GRM7: variants seen among roughly 807,000 people sequenced by gnomAD.
GRM7 encodes metabotropic glutamate receptor 7.
GRM7 carries 35 observed loss-of-function variants against 84.5 expected under a neutral mutation model. The ratio of observed to expected loss-of-function variants is 0.41; its 90% CI spans 0.32 to 0.55. The LOEUF (loss-of-function observed/expected upper bound fraction) is 0.55. GRM7 is among the 20% of genes least tolerant of loss of function. The probability of loss-of-function intolerance (pLI) is 0.19; values close to 1 mark genes in which losing one functional copy is unlikely to be tolerated. For synonymous variants in GRM7, 487 were observed against 455.1 expected, an observed-to-expected ratio of 1.07 and a Z score of -0.89; for missense variants, 1,003 against 1,194.6, an observed-to-expected ratio of 0.84 and a Z score of 2.36.
intron 7 of GRM7, chr3:7,561,360 C>A (rs1694020287): frequency 1.2e-5 from 4 of 333,126 alleles, no homozygotes; most frequent in Non-Finnish European, 1.8e-5. Context: ...TGCTGAGATC[C>A]TATTGAGGGA....
intron 1 of GRM7, among the ~76,000 whole-genome samples, chr3:7,038,447 T>G (rs530542510): frequency 6.6e-6 from 1 of 152,194 alleles, no homozygotes; most frequent in Non-Finnish European, 1.5e-5. Flanking sequence ...TATCAACAGA[T>G]GAGAGACAGC....
chr3:7,080,970 A>C (rs1220213036), intron 1 of GRM7, among the ~76,000 whole-genome samples: 3 of 152,060 alleles, frequency 2.0e-5, no homozygotes, highest in African/African-American at 7.2e-5. Context: ...TCAGCTACAC[A>C]GTCATAAAGA....
In GRM7 at chr3:7,291,255, G is replaced by A. The variant is rs555394578; in HGVS notation, c.737-7429G>A. Among the ~76,000 whole-genome samples the A allele has an allele frequency of 2.4e-4, 37 of 152,054 alleles. No homozygotes were observed. The South Asian group carries it at 6.2e-3, about 26-fold the overall frequency. On this transcript the variant is annotated intron_variant, in intron 2 of 9. Coordinates refer to ENST00000357716, the MANE Select transcript of GRM7 (RefSeq NM_000844.4). ...TGCAAATAAGAGAAAACTGACTGCC[G>A]CGAGCTGACACGAAAAGGTGTTTCA...
In GRM7 at chr3:7,038,647, A is replaced by G. The variant is rs146576186; in HGVS notation, c.520-107805A>G. ...TACTTTCATCATGATGTGTTCTGCA[A>G]TGTTTATTTAGTGCCTGGAGCCTGC... On this transcript the variant is annotated intron_variant, in intron 1 of 9. Transcript: ENST00000357716. 1.1e-4 allele frequency among the ~76,000 whole-genome samples: 16 copies of G among 152,278 alleles called. No individual in the cohort carries two copies. In the East Asian group the frequency reaches 3.1e-3, roughly 29 times the overall value.
chr3:7,303,130 C>T (rs12487672), intron 3 of GRM7, among the ~76,000 whole-genome samples: 71,809 of 151,296 alleles, frequency 0.47, 18,624 homozygotes, highest in Non-Finnish European at 0.6. Context: ...TTAGTAGAGA[C>T]GGGCTTTCAC....
chr3:7,434,454 G>A (rs1045394468), intron 5 of GRM7, among the ~76,000 whole-genome samples: 3 of 152,156 alleles, frequency 2.0e-5, no homozygotes, highest in African/African-American at 7.2e-5. Context: ...TCTGTATAAT[G>A]TTGAAGGAGT....
At chr3:7,233,230 G>C (rs1697249913) in intron 2 of GRM7, among the ~76,000 whole-genome samples, 1 of 152,132 alleles carries the variant, frequency 6.6e-6, no homozygotes, top group Non-Finnish European at 1.5e-5. Flanking sequence ...AACAGAGGAA[G>C]CCCAATTTAT....
At chr3:6,941,360 A>G (rs982540952) in intron 1 of GRM7, among the ~76,000 whole-genome samples, 2 of 152,194 alleles carry the variant, frequency 1.3e-5, no homozygotes, top group African/African-American at 4.8e-5. Context: ...GGAGCTGAAA[A>G]CATTGACTTT....
chr3:7,520,373 A>T (rs1199890543), intron 7 of GRM7: 2 of 152,158 alleles, frequency 1.3e-5, no homozygotes, highest in Non-Finnish European at 2.9e-5. Context: ...CCAGGTATGT[A>T]TCCAGCTTAG....
chr3:6,972,525 G>A (rs1053449536), intron 1 of GRM7, among the ~76,000 whole-genome samples: 6 of 152,102 alleles, frequency 3.9e-5, no homozygotes, highest in Non-Finnish European at 8.8e-5. Flanking sequence ...CTTGTGTATC[G>A]TCCATTGCTG....
Position 7,359,459 on chromosome 3 carries a change from C to T in GRM7, c.1033+52807C>T, listed in dbSNP as rs376025416. On this transcript the variant is annotated intron_variant, in intron 4 of 9. Transcript: ENST00000357716. ...AAGCGATTCTCCTGCCTCAGTCTCC[C>T]GAGTATCTGGGATTACAGGAGTGTG... Among the ~76,000 whole-genome samples, 5 of 145,674 alleles carry T rather than the reference C, an allele frequency of 3.4e-5. No individual in the cohort carries two copies. The East Asian group carries it at 5.9e-4, about 17-fold the overall frequency.
chr3:7,638,516 C>A lies in GRM7; in HGVS notation c.2452-41533C>A, dbSNP rs1698210519. Among the ~76,000 whole-genome samples, 3 of 152,160 alleles carry A rather than the reference C, an allele frequency of 2.0e-5. No individual in the cohort carries two copies. The South Asian group carries it at 6.2e-4, about 31-fold the overall frequency. ...AGGTCTCCACATTCCTACTGTCAGT[C>A]ACACCCACTCACCCTAATGCAACAA... is the stretch of plus-strand genomic sequence containing the variant. On this transcript the variant is annotated intron_variant, in intron 8 of 9. Coordinates refer to ENST00000357716, the MANE Select transcript of GRM7 (RefSeq NM_000844.4).
At chr3:7,619,905 C>G (rs1697278745) in intron 8 of GRM7, among the ~76,000 whole-genome samples, 1 of 152,084 alleles carries the variant, frequency 6.6e-6, no homozygotes, top group Non-Finnish European at 1.5e-5. Flanking sequence ...GAGCTCTTGG[C>G]AAAATACTTC....
chr3:7,561,674 CTAAT>C, intron 7 of GRM7: 2 of 393,330 alleles, frequency 5.1e-6, no homozygotes, highest in Admixed American at 2.8e-5. Flanking sequence ...CTCTATTTGT[CTAAT>C]TCTCTGAAGT....
intron 2 of GRM7, among the ~76,000 whole-genome samples, chr3:7,215,049 G>C (rs1247023290): frequency 2.0e-5 from 3 of 152,084 alleles, no homozygotes; most frequent in African/African-American, 4.8e-5. Flanking sequence ...ATTTGAAAAA[G>C]CGACCTCTAC....
intron 2 of GRM7, among the ~76,000 whole-genome samples, chr3:7,183,587 A>G (rs1377395368): frequency 6.6e-6 from 1 of 152,192 alleles, no homozygotes; most frequent in Non-Finnish European, 1.5e-5. Context: ...AGATCACGCC[A>G]CTGCACTCCA....
chr3:6,926,257 GATCT>G (rs754542298), intron 1 of GRM7, among the ~76,000 whole-genome samples: 4 of 152,196 alleles, frequency 2.6e-5, no homozygotes, highest in East Asian at 1.9e-4. Context: ...CATATCCATT[GATCT>G]ATCTGCTTTT....
chr3:7,285,761 T>G (rs1475581264), intron 2 of GRM7, among the ~76,000 whole-genome samples: 1 of 152,126 alleles, frequency 6.6e-6, no homozygotes, highest in Non-Finnish European at 1.5e-5. Context: ...AACCTTGATC[T>G]GAGAGGAAAA....
At chr3:7,216,340 T>C (rs943973997) in intron 2 of GRM7, among the ~76,000 whole-genome samples, 2 of 152,216 alleles carry the variant, frequency 1.3e-5, no homozygotes, top group Non-Finnish European at 2.9e-5. Flanking sequence ...CTACTGATAA[T>C]TGACTAAAGG....
Sources: gnomAD v4.1 joint callset for allele counts (sites outside exome capture counted in the v4.1 genomes callset) on GRCh38, gnomAD v4.1.1 for gene constraint, MANE v1.5 for transcripts, NCBI Gene and HGNC (gene_info 2026-07-23, HGNC 2026-07-21) for gene names.